Variants in DNM3 observed in about 807,000 individuals in gnomAD.
DNM3 encodes dynamin-3.
A neutral mutation model predicts 101.6 loss-of-function variants in DNM3; 47 were observed. The observed-to-expected ratio is 0.46, with a 90% confidence interval of 0.37 to 0.59. The LOEUF (loss-of-function observed/expected upper bound fraction) is 0.59, where lower values mean the gene tolerates loss of function less well. Ranked by LOEUF, DNM3 falls within the 20% of genes least tolerant of loss-of-function variation. The pLI is 0.00. For synonymous variants in DNM3, 385 were observed against 387.9 expected (o/e 0.99, Z 0.09); for missense variants, 849 against 1,085.7 (o/e 0.78, Z 3.06).
chr1:172,380,989 AAAAAAAC>A (rs2068865390), intron 18 of DNM3: 1 of 151,656 alleles, frequency 6.6e-6, no homozygotes, highest in African/African-American at 2.4e-5. Context: ...AGGAAAAAAA[AAAAAAAC>A]AAAAAACCCC....
At chr1:172,058,553 C>G (rs1409066966) in intron 10 of DNM3, among the ~76,000 whole-genome samples, 2 of 152,140 alleles carry the variant, frequency 1.3e-5, no homozygotes, top group African/African-American at 4.8e-5. Context: ...ACTGAAAACC[C>G]CTCAACTACA....
At chr1:171,870,711 C>G (rs907963619) in intron 1 of DNM3, among the ~76,000 whole-genome samples, 1 of 151,716 alleles carries the variant, frequency 6.6e-6, no homozygotes, top group African/African-American at 2.4e-5. Flanking sequence ...AGATATGACA[C>G]AAAACAATAA....
Position 172,073,516 on chromosome 1 carries a change from A to G in DNM3, c.1422+4611A>G, listed in dbSNP as rs2052389335. Among the ~76,000 whole-genome samples the G allele has an allele frequency of 1.3e-5, 2 of 152,206 alleles. 1 individual carries two copies. The highest frequency in any genetic ancestry group is 4.1e-4 in the South Asian group (2 of 4,836). On this transcript the variant is annotated intron_variant, in intron 11 of 20. Coordinates refer to ENST00000627582, the MANE Select transcript of DNM3 (RefSeq NM_015569.5). ...ATGGCACATAGACTATTTGAGAGTA[A>G]TAGTACAATCCAACCTGGTCTTGGT...
intron 17 of DNM3, among the ~76,000 whole-genome samples, chr1:172,350,622 C>T (rs2067161929): frequency 6.6e-6 from 1 of 152,008 alleles, no homozygotes; most frequent in African/African-American, 2.4e-5. Flanking sequence ...AATATCAGAG[C>T]CTGGGGTATG....
intron 14 of DNM3, among the ~76,000 whole-genome samples, chr1:172,132,424 A>T (rs564574937): frequency 6.6e-6 from 1 of 152,278 alleles, no homozygotes; most frequent in East Asian, 1.9e-4. Flanking sequence ...TCAAAAGTAG[A>T]TTTGGTCACT....
At chr1:171,948,404 T>A (rs573845888) in intron 2 of DNM3, among the ~76,000 whole-genome samples, 9 of 152,350 alleles carry the variant, frequency 5.9e-5, no homozygotes, top group Admixed American at 2.6e-4. Flanking sequence ...TTCTATTTAT[T>A]TGAGTGCCCA....
At chr1:171,879,035 AT>A (rs1479764325) in intron 1 of DNM3, among the ~76,000 whole-genome samples, 1 of 152,170 alleles carries the variant, frequency 6.6e-6, no homozygotes, top group Non-Finnish European at 1.5e-5. Context: ...AGTGCACTTA[AT>A]TTTATGGAAC....
At chr1:172,132,550 C>T (rs138156155) in intron 14 of DNM3, among the ~76,000 whole-genome samples, 223 of 152,250 alleles carry the variant, frequency 1.5e-3, no homozygotes, top group African/African-American at 5.2e-3. Context: ...AGACACTTCC[C>T]TAGATGTAAA....
At position 171,849,628 on chromosome 1, in the gene DNM3, A is replaced by G. The variant is rs149631697; in HGVS notation, c.161+7811A>G. ...GCCTTCTTTAAAGAAAGCATTGCCCACATTCGTTAAATGCATTATCACAAT... is the reference window on the plus strand; with the variant it reads ...GCCTTCTTTAAAGAAAGCATTGCCCGCATTCGTTAAATGCATTATCACAAT... On this transcript the variant is annotated intron_variant, in intron 1 of 20. Coordinates refer to ENST00000627582, the MANE Select transcript of DNM3 (RefSeq NM_015569.5). Among the ~76,000 whole-genome samples, 449 of 152,316 alleles carry G rather than the reference A, an allele frequency of 2.9e-3. 4 individuals carry two copies. The highest frequency in any genetic ancestry group is 9.9e-3 in the African/African-American group (410 of 41,568).
chr1:172,002,082 A>G (rs1310453363), intron 4 of DNM3, among the ~76,000 whole-genome samples: 1 of 152,036 alleles, frequency 6.6e-6, no homozygotes, highest in African/African-American at 2.4e-5. Context: ...CAGGTACTAT[A>G]TCTGTCTCTG....
At chr1:171,895,983 G>T (rs1187231450) in intron 1 of DNM3, among the ~76,000 whole-genome samples, 1 of 152,094 alleles carries the variant, frequency 6.6e-6, no homozygotes, top group Non-Finnish European at 1.5e-5. Flanking sequence ...CCTCTGTTCT[G>T]TTCCATTGAT....
At chr1:172,032,376 T>A in intron 4 of DNM3, 26 bp from the exon 5 acceptor site, 1 of 1,547,654 alleles carries the variant, frequency 6.5e-7, no homozygotes, top group Non-Finnish European at 8.9e-7. Flanking sequence ...GCAAATTGTG[T>A]AATGTTGGGT....
intron 14 of DNM3, among the ~76,000 whole-genome samples, chr1:172,218,432 G>A (rs1425273809): frequency 2.0e-5 from 3 of 152,060 alleles, no homozygotes; most frequent in Non-Finnish European, 4.4e-5. Flanking sequence ...AGGAATTGAG[G>A]TAATTTGTGG....
chr1:172,039,213 G>A lies in DNM3; in HGVS notation c.992+752G>A, dbSNP rs117488657. ...TGTGTCAAGTCCCTCTCAACAGGAA[G>A]GCTCCCCTGCCCAGCACACACTGCA... On this transcript the variant is annotated intron_variant, in intron 7 of 20. Coordinates refer to ENST00000627582, the MANE Select transcript of DNM3 (RefSeq NM_015569.5). Among the ~76,000 whole-genome samples the A allele has an allele frequency of 4.4e-4, 67 of 152,156 alleles. 1 individual carries two copies. The East Asian group carries it at 0.012, about 27-fold the overall frequency.
In DNM3 at chr1:172,356,783, A is replaced by AAGAT. The variant is rs552672929; in HGVS notation, c.1894-22233_1894-22230dup. Among the ~76,000 whole-genome samples the AAGAT allele has an allele frequency of 5.0e-3, 767 of 152,178 alleles. 7 individuals are homozygous for AAGAT. The highest frequency in any genetic ancestry group is 0.018 in the African/African-American group (735 of 41,544). On this transcript the variant is annotated intron_variant, in intron 17 of 20. Transcript: ENST00000627582. ...ATGTACTCACTGTGACTCACAGAAA[A>AAGAT]AGATAAGGTTACTTTATACTATCTC...
At chr1:172,046,700 T>A (rs1227828170) in intron 9 of DNM3, among the ~76,000 whole-genome samples, 1 of 152,176 alleles carries the variant, frequency 6.6e-6, no homozygotes, top group Non-Finnish European at 1.5e-5. Flanking sequence ...TCTTTTACCA[T>A]CGATAGGATT....
intron 14 of DNM3, among the ~76,000 whole-genome samples, chr1:172,154,912 C>T (rs2058280069): frequency 1.3e-5 from 2 of 151,970 alleles, no homozygotes; most frequent in East Asian, 1.9e-4. Context: ...TAAGATCACC[C>T]CTTTTAAGGA....
intron 14 of DNM3, among the ~76,000 whole-genome samples, chr1:172,234,733 A>T (rs2061471805): frequency 2.6e-5 from 4 of 152,188 alleles, no homozygotes; most frequent in Admixed American, 2.0e-4. Flanking sequence ...AATGCCACAG[A>T]TCTACACCGA....
intron 2 of DNM3, among the ~76,000 whole-genome samples, chr1:171,979,885 G>T (rs1006268313): frequency 6.6e-6 from 1 of 152,134 alleles, no homozygotes. Context: ...GACTGAATTT[G>T]CATCTTGGTT....
Sources: allele counts gnomAD v4.1 joint callset (sites outside exome capture counted in the v4.1 genomes callset), GRCh38; gene constraint gnomAD v4.1.1; transcripts MANE v1.5; gene names NCBI Gene and HGNC (gene_info 2026-07-23, HGNC 2026-07-21).